Variants in RASA3 observed in about 807,000 individuals in gnomAD.
The protein encoded by RASA3 is ras GTPase-activating protein 3.
A neutral mutation model predicts 110.0 loss-of-function variants in RASA3; 73 were observed. The observed-to-expected ratio is 0.66, with a 90% CI of 0.55 to 0.81. RASA3 has a LOEUF of 0.81. Ranked by LOEUF, RASA3 falls within the 30% of genes least tolerant of loss-of-function variation. The pLI is 0.00. For missense variants in RASA3, 976 were observed against 1,113.2 expected (o/e 0.88, Z 1.75); for synonymous variants, 500 against 451.4 (o/e 1.11, Z -1.37).
intron 12 of RASA3, 119 bp from the exon 13 acceptor site, chr13:114,016,390 A>G: frequency 1.3e-6 from 1 of 796,502 alleles, no homozygotes; most frequent in South Asian, 1.4e-5. Flanking sequence ...AGAAAATGCC[A>G]CGACAGCTCC....
At chr13:113,979,664 G>A (rs2052862219) in intron 23 of RASA3, among the ~76,000 whole-genome samples, 1 of 152,182 alleles carries the variant, frequency 6.6e-6, no homozygotes, top group Non-Finnish European at 1.5e-5. Context: ...TGGCACGTGT[G>A]TAGCGCATAT....
chr13:114,118,627 G>A (rs540689315), intron 1 of RASA3, among the ~76,000 whole-genome samples: 6 of 152,306 alleles, frequency 3.9e-5, no homozygotes, highest in Non-Finnish European at 7.4e-5. Flanking sequence ...TTTGAAAACC[G>A]ATGTCACCGC....
chr13:113,981,604 A>C, intron 23 of RASA3, 71 bp downstream of exon 23: 4 of 1,525,116 alleles, frequency 2.6e-6, no homozygotes, highest in Non-Finnish European at 2.7e-6. Flanking sequence ...AGCTCCCTGC[A>C]GCCCCACCCC....
chr13:114,017,353 T>C lies in RASA3; in HGVS notation c.1092-2A>G. On this transcript the variant is annotated splice_acceptor_variant, in intron 11 of 23. Coordinates refer to ENST00000334062, the MANE Select transcript of RASA3 (RefSeq NM_007368.4). LOFTEE classifies it high-confidence loss of function. Reference sequence around the variant, plus strand: ...CCTCGGAAGATGGTGTTGGGGTCCCTGGGAAATGGCGATGGGGACAGCGTT... The same window carrying C: ...CCTCGGAAGATGGTGTTGGGGTCCCCGGGAAATGGCGATGGGGACAGCGTT... The C allele has an allele frequency of 1.5e-5, 24 of 1,612,122 alleles. No individual in the cohort carries two copies. The highest frequency in any genetic ancestry group is 2.0e-5 in the Non-Finnish European group (24 of 1,178,544).
chr13:114,132,509 C>A lies in RASA3; in HGVS notation c.-20G>T, dbSNP rs1173488802. ...CGCCATGCTGCGCGTCCGCGCCCGC[C>A]GAGCCTCGCCCCAAGCGCGCGCCGA... On this transcript the variant is annotated 5_prime_UTR_variant, in exon 1 of 24. Transcript: ENST00000334062. 1 of 1,477,592 alleles carries A rather than the reference C, an allele frequency of 6.8e-7. No homozygotes were observed. Among genetic ancestry groups the A allele is most frequent in the South Asian group, 1.3e-5 (1 of 78,284 alleles). The allele number at this position is 1,477,592 out of a possible 1,614,324, so 91.5% of individuals were successfully genotyped here.
intron 1 of RASA3, among the ~76,000 whole-genome samples, chr13:114,116,693 G>A (rs970018714): frequency 2.0e-4 from 30 of 152,256 alleles, no homozygotes; most frequent in African/African-American, 7.2e-4. Context: ...CTATTCACAT[G>A]GAGCCTGCAG....
chr13:114,025,132 C>G (rs9525208), intron 7 of RASA3, among the ~76,000 whole-genome samples: 3,631 of 152,372 alleles, frequency 0.024, 158 homozygotes, highest in East Asian at 0.2. Flanking sequence ...CCCTGCCCCC[C>G]CTTCTCCGGG....
intron 12 of RASA3, among the ~76,000 whole-genome samples, chr13:114,016,912 C>G (rs894912513): frequency 1.3e-5 from 2 of 152,152 alleles, no homozygotes; most frequent in Admixed American, 1.3e-4. Flanking sequence ...TGCCACGCAG[C>G]CAGGGCCCAA....
intron 1 of RASA3, among the ~76,000 whole-genome samples, chr13:114,075,519 G>C (rs1415619158): frequency 0.016 from 1,909 of 117,114 alleles, 121 homozygotes; most frequent in African/African-American, 0.061. Flanking sequence ...TCGGCGCCGC[G>C]TATCTCTGGG....
chr13:114,013,123 C>T lies in RASA3; in HGVS notation c.1512+19G>A. 2 of 1,604,074 alleles carry T rather than the reference C, an allele frequency of 1.2e-6. No individual in the cohort carries two copies. Among genetic ancestry groups the T allele is most frequent in the Non-Finnish European group, 1.7e-6 (2 of 1,175,292 alleles). On this transcript the variant is annotated intron_variant, in intron 15 of 23. Transcript: ENST00000334062. ...GCAGGACAGCTCAGAAAGCCTCGGT[C>T]CCTCAGCCGGTCACTCACCGTGTGG... is the stretch of plus-strand genomic sequence containing the variant.
At position 114,057,191 on chromosome 13, in the gene RASA3, CAT is replaced by C. The variant is rs1458746599; in HGVS notation, c.174-5038_174-5037del. On this transcript the variant is annotated intron_variant, in intron 2 of 23. Transcript: ENST00000334062. This position sits in a 1 kb window ranked among gnomAD's most constrained non-coding sequence, Gnocchi z 5.0. ...TATTTTAATGTTTTTCTTCTTATTT[CAT>C]ATAACTTTTTAAACTTAAAGTAATA... 1 of 982,442 alleles carries C rather than the reference CAT, an allele frequency of 1.0e-6. No homozygotes were observed. Among genetic ancestry groups the C allele is most frequent in the African/African-American group, 1.7e-5 (1 of 57,182 alleles). The allele number at this position is 982,442 out of a possible 1,614,324, so 60.9% of individuals were successfully genotyped here.
intron 6 of RASA3, 134 bp downstream of exon 6, chr13:114,027,713 A>T: frequency 1.0e-6 from 1 of 978,718 alleles, no homozygotes; most frequent in Non-Finnish European, 1.6e-6. Flanking sequence ...AAACAAAAGG[A>T]AGTAAAAATT....
Position 114,015,804 on chromosome 13 carries a change from A to T in RASA3, c.1281+393T>A, listed in dbSNP as rs900695843. ...AGGCCATCCTGTCCTAGGAAAAGGG[A>T]GGGGCAGGAGCCATTGCCCAAGGGA... On this transcript the variant is annotated intron_variant, in intron 13 of 23. Coordinates refer to ENST00000334062, the MANE Select transcript of RASA3 (RefSeq NM_007368.4). 7.9e-5 allele frequency among the ~76,000 whole-genome samples: 12 copies of T among 151,970 alleles called. 1 individual carries two copies. In the East Asian group the frequency reaches 2.3e-3, roughly 30 times the overall value.
At chr13:114,021,960 AGCTATGTGGCTGCT>A (rs2053936542) in intron 8 of RASA3, among the ~76,000 whole-genome samples, 1 of 152,084 alleles carries the variant, frequency 6.6e-6, no homozygotes, top group African/African-American at 2.4e-5. Context: ...TGCACCCAGG[AGCTATGTGGCTGCT>A]GCCACTCTCA....
At chr13:114,104,047 G>A (rs1249726995) in intron 1 of RASA3, among the ~76,000 whole-genome samples, 1 of 52,934 alleles carries the variant, frequency 1.9e-5, no homozygotes, top group Non-Finnish European at 3.8e-5. Context: ...CCCCCGATGC[G>A]TCCATGCTGC....
chr13:114,036,695 G>A (rs1010502603), intron 4 of RASA3, among the ~76,000 whole-genome samples: 7 of 152,126 alleles, frequency 4.6e-5, no homozygotes, highest in Non-Finnish European at 8.8e-5. Context: ...GCGCCACCAC[G>A]CCCGGCTAAT....
intron 1 of RASA3, among the ~76,000 whole-genome samples, chr13:114,082,510 T>C (rs1257197856): frequency 6.6e-6 from 1 of 152,152 alleles, no homozygotes; most frequent in East Asian, 1.9e-4. Flanking sequence ...CCGAGGCTGC[T>C]CCCCGGGTGG....
chr13:114,005,608 G>A (rs2053497984), intron 18 of RASA3, among the ~76,000 whole-genome samples: 1 of 152,166 alleles, frequency 6.6e-6, no homozygotes, highest in African/African-American at 2.4e-5. Context: ...CCCCAAGTGC[G>A]GGTGTGGACA....
At chr13:113,999,506 G>C in intron 20 of RASA3, 79 bp downstream of exon 20, 1 of 1,190,120 alleles carries the variant, frequency 8.4e-7, no homozygotes, top group South Asian at 1.2e-5. Flanking sequence ...GGTGAGCCCA[G>C]GGCCAGGTAC....
Sources: gnomAD v4.1 joint callset for allele counts (sites outside exome capture counted in the v4.1 genomes callset) on GRCh38, gnomAD v4.1.1 for gene constraint, Gnocchi (gnomAD v3.1) non-coding constraint, MANE v1.5 for transcripts, NCBI Gene and HGNC (gene_info 2026-07-23, HGNC 2026-07-21) for gene names.